GCN1: variants seen among roughly 807,000 people sequenced by gnomAD.
The protein encoded by GCN1 is GCN1 activator of EIF2AK4, also known as stalled ribosome sensor GCN1.
Under a neutral mutation model 288.4 loss-of-function variants are expected in GCN1, and 90 were observed. The ratio of observed to expected loss-of-function variants is 0.31; its 90% CI spans 0.26 to 0.37. GCN1 has a LOEUF of 0.37. Ranked by LOEUF, GCN1 falls within the 10% of genes least tolerant of loss-of-function variation. GCN1 has a pLI of 1.00. For synonymous variants in GCN1, 1,386 were observed against 1,420.2 expected (o/e 0.98, Z 0.54); for missense variants, 2,586 against 3,419.9 (o/e 0.76, Z 6.08).
chr12:120,163,286 T>C, intron 18 of GCN1, 27 bp from the exon 19 acceptor site: 3 of 1,576,586 alleles, frequency 1.9e-6, no homozygotes, highest in South Asian at 1.1e-5. Context: ...GAGATAATAC[T>C]GCTAAGAGCC....
At position 120,138,807 on chromosome 12, in the gene GCN1, C is replaced by T. The variant is rs1877094469; in HGVS notation, c.6044G>A (p.Cys2015Tyr). The T allele has an allele frequency of 6.2e-6, 10 of 1,614,080 alleles. No homozygotes were observed. The highest frequency in any genetic ancestry group is 8.5e-6 in the Non-Finnish European group (10 of 1,179,904). Residue 2015 changes from cysteine (C) to tyrosine (Y), a missense_variant, in exon 46 of 58, where the codon TGT (cysteine) becomes TAT (tyrosine). Transcript: ENST00000300648. The stretch of plus-strand genomic sequence containing the variant: ...CTCTCTGACCTCCTCCAGTGGGTCA[C>T]ACAAAGCCTTCCTTGCCGTGGGCAC... ...SLVPTARKAL[C>Y]DPLEEVREAA...
At position 120,160,154 on chromosome 12, in the gene GCN1, C is replaced by A. The variant is rs1877880477; in HGVS notation, c.2538G>T (p.Arg846Ser). Residue 846 changes from arginine (R) to serine (S), a missense_variant, in exon 23 of 58, where the codon AGG becomes AGT. This residue lies in a region of GCN1 where 913 missense variants were observed against 1,107.0 expected (regional missense o/e 0.82). Transcript: ENST00000300648. ...AQLDREAQVR[R>S]RLQELDGELE... ...GGTGGCCACTCACCTCCTGCAGCCG[C>A]CTCCGGACCTGCGCCTCCCTGTCTA... 1 of 1,612,012 alleles carries A rather than the reference C, an allele frequency of 6.2e-7. No homozygotes were observed. Among genetic ancestry groups the A allele is most frequent in the Non-Finnish European group, 8.5e-7 (1 of 1,179,400 alleles).
chr12:120,155,808 C>G lies in GCN1; in HGVS notation c.3313-89G>C. On this transcript the variant is annotated intron_variant, in intron 28 of 57. Coordinates refer to ENST00000300648, the MANE Select transcript of GCN1 (RefSeq NM_006836.2). This position sits in a 1 kb window ranked among gnomAD's most constrained non-coding sequence, Gnocchi z 4.9. ...CTCACCTCTCTCTAGGTTGTACTGT[C>G]CAAGATGTAGCCACTAACCGCATGT... 1 of 1,320,206 alleles carries G rather than the reference C, an allele frequency of 7.6e-7. No individual in the cohort carries two copies. The highest frequency in any genetic ancestry group is 1.1e-6 in the Non-Finnish European group (1 of 937,330). 81.8% of individuals were successfully genotyped at this position (1,320,206 alleles called of 1,614,324 possible).
At position 120,140,985 on chromosome 12, in the gene GCN1, T is replaced by C. The variant is rs202017755; in HGVS notation, c.5868A>G (p.Leu1956=). The C allele has an allele frequency of 6.2e-7, 1 of 1,613,790 alleles. No homozygotes were observed. Among genetic ancestry groups the C allele is most frequent in the Admixed American group, 1.7e-5 (1 of 59,990 alleles). The change falls in exon 45 of 58, where the codon TTA becomes TTG. Residue 1956 remains leucine (L), a synonymous_variant. Transcript: ENST00000300648. The stretch of plus-strand genomic sequence containing the variant: ...TGATCTCGGGGAGGATTTTCTCCCC[T>C]AACTTCCGCACAAGATCTCCCAATG... ...ARTLGDLVRK[L]GEKILPEIIP...
chr12:120,137,317 C>T lies in GCN1; in HGVS notation c.6666G>A (p.Lys2222=), dbSNP rs1389908496. Residue 2222 remains lysine (K), a splice_region_variant and synonymous_variant, in exon 50 of 58, where the codon AAG becomes AAA. Coordinates refer to ENST00000300648, the MANE Select transcript of GCN1 (RefSeq NM_006836.2). The surrounding 1 kb of genome is among the most constrained non-coding windows in gnomAD (Gnocchi z 5.2). ...GTGCCAACTGGTTGCCAGCATCCAG[C>T]TTCTGCAGGAATCCAGGAAAAAGCG... is the stretch of plus-strand genomic sequence containing the variant. ...SWDALNAITK[K]LDAGNQLALI... 6.2e-7 allele frequency: 1 copy of T among 1,612,114 alleles called. No homozygotes were observed. Among genetic ancestry groups the T allele is most frequent in the Admixed American group, 1.7e-5 (1 of 60,018 alleles).
At chr12:120,170,104 C>T in intron 15 of GCN1, 65 bp downstream of exon 15, 2 of 1,425,822 alleles carry the variant, frequency 1.4e-6, no homozygotes, top group Non-Finnish European at 2.0e-6. Context: ...CATCAAGACA[C>T]ACCTCCCAAG....
In GCN1 at chr12:120,137,186, T is replaced by C. The variant is rs757239051; in HGVS notation, c.6777+20A>G. 22 of 1,573,186 alleles carry C rather than the reference T, an allele frequency of 1.4e-5. No individual in the cohort carries two copies. The highest frequency in any genetic ancestry group is 1.2e-5 in the Non-Finnish European group (14 of 1,143,256). On this transcript the variant is annotated intron_variant, in intron 50 of 57. Coordinates refer to ENST00000300648, the MANE Select transcript of GCN1 (RefSeq NM_006836.2). This position sits in a 1 kb window ranked among gnomAD's most constrained non-coding sequence, Gnocchi z 5.2. ...AACAGACTGCACGCCCACAGCCCCC[T>C]GCACGAGGCCCTGGCTTACCTTCTT...
At position 120,144,386 on chromosome 12, in the gene GCN1, G is replaced by A; in HGVS notation, c.5415C>T (p.Ile1805=). 6.2e-7 allele frequency: 1 copy of A among 1,614,214 alleles called. No homozygotes were observed. Among genetic ancestry groups the A allele is most frequent in the Non-Finnish European group, 8.5e-7 (1 of 1,179,994 alleles). The part of the protein sequence containing the change: ...DTALRAGQRV[I]SMYAETAIAL... ...CGATGGCTGTCTCAGCGTACATGGA[G>A]ATAACCCGCTGGCCCGCGCGCAGGG... The change falls in exon 42 of 58, where the codon ATC becomes ATT. Residue 1805 remains isoleucine, a synonymous_variant. Transcript: ENST00000300648. This position sits in a 1 kb window ranked among gnomAD's most constrained non-coding sequence, Gnocchi z 4.7.
intron 5 of GCN1, 56 bp downstream of exon 5, chr12:120,183,513 C>T: frequency 9.2e-7 from 1 of 1,089,176 alleles, no homozygotes; most frequent in Non-Finnish European, 1.4e-6. Context: ...CTGAAACATG[C>T]TCTAACTCCT....
In GCN1 at chr12:120,127,823, G is replaced by A. The variant is rs1194816128; in HGVS notation, c.*26C>T. 1 of 1,607,338 alleles carries A rather than the reference G, an allele frequency of 6.2e-7. No individual in the cohort carries two copies. Among genetic ancestry groups the A allele is most frequent in the Non-Finnish European group, 8.5e-7 (1 of 1,174,734 alleles). On this transcript the variant is annotated 3_prime_UTR_variant, in exon 58 of 58. Transcript: ENST00000300648. ...AAACATTGAGCAAAGATGTGGAGCG[G>A]CAATGCTGCTGCTGGCCCAGGCCTC... is the stretch of plus-strand genomic sequence containing the variant.
chr12:120,162,029 G>T lies in GCN1; in HGVS notation c.2193C>A (p.Ser731=). The T allele has an allele frequency of 1.2e-6, 2 of 1,613,256 alleles. No individual in the cohort carries two copies. The highest frequency in any genetic ancestry group is 1.7e-6 in the Non-Finnish European group (2 of 1,180,016). ...GGAGGACCCGGTCCGGCGACAGGAC[G>T]GAAAGGGAGCCCATGGCATTCATGG... ...QSSMNAMGSL[S]VLSPDRVLPQ... Residue 731 remains serine (S), a synonymous_variant, in exon 21 of 58, where the codon TCC becomes TCA. Coordinates refer to ENST00000300648, the MANE Select transcript of GCN1 (RefSeq NM_006836.2).
intron 55 of GCN1, 137 bp from the exon 56 acceptor site, chr12:120,130,890 G>A (rs1484631139): frequency 1.6e-6 from 1 of 625,172 alleles, no homozygotes; most frequent in East Asian, 2.7e-5. Flanking sequence ...ACAGCTCTCA[G>A]GCAGGCTGCC....
chr12:120,173,288 T>C (rs1878368186), intron 14 of GCN1, among the ~76,000 whole-genome samples: 1 of 152,148 alleles, frequency 6.6e-6, no homozygotes, highest in Non-Finnish European at 1.5e-5. Flanking sequence ...CCTCAGGTGA[T>C]CTGCCCGCCT....
At chr12:120,152,619 C>T (rs2139104509) in intron 33 of GCN1, among the ~76,000 whole-genome samples, 1 of 129,840 alleles carries the variant, frequency 7.7e-6, no homozygotes, top group South Asian at 2.5e-4. Flanking sequence ...GTCCAAAATG[C>T]AAACCACACA....
chr12:120,137,674 G>A lies in GCN1; in HGVS notation c.6534C>T (p.Tyr2178=). ...TGTAGTCAGCCTTTGAGCGGGAACA[G>A]TAGATGTTGAGGATGATGGCAGCAG... ...RQAAAIILNI[Y]CSRSKADYTS... The change falls in exon 49 of 58, where the codon TAC becomes TAT. Residue 2178 remains tyrosine (Y), a synonymous_variant. Transcript: ENST00000300648. The surrounding 1 kb of genome is among the most constrained non-coding windows in gnomAD (Gnocchi z 5.2). 2 of 1,614,180 alleles carry A rather than the reference G, an allele frequency of 1.2e-6. No individual in the cohort carries two copies. Among genetic ancestry groups the A allele is most frequent in the Non-Finnish European group, 1.7e-6 (2 of 1,180,038 alleles).
At position 120,190,365 on chromosome 12, in the gene GCN1, C is replaced by T. The variant is rs779209054; in HGVS notation, c.54G>A (p.Val18=). The T allele has an allele frequency of 7.5e-6, 12 of 1,610,022 alleles. No homozygotes were observed. The highest frequency in any genetic ancestry group is 1.0e-5 in the Non-Finnish European group (12 of 1,176,360). ...SETLKRFAGK[V]TTASVKERRE... ...TCCGTTCCTTTACACTGGCTGTTGT[C>T]ACCTTCCCTGCAAAACGCTTTAGTG... The change falls in exon 2 of 58, where the codon GTG becomes GTA. Residue 18 remains valine, a synonymous_variant. Coordinates refer to ENST00000300648, the MANE Select transcript of GCN1 (RefSeq NM_006836.2).
At chr12:120,187,780 G>A (rs1003049812) in intron 2 of GCN1, among the ~76,000 whole-genome samples, 14 of 150,454 alleles carry the variant, frequency 9.3e-5, no homozygotes, top group African/African-American at 3.4e-4. Context: ...ATGGAGCTGA[G>A]AATTTTTATC....
chr12:120,178,871 A>G lies in GCN1; in HGVS notation c.506T>C (p.Leu169Pro), dbSNP rs753135688. ...TGTCACCTCTTTCCACAGCTTCGTG[A>G]GTTTCTTCACAGCACCATCCACGGC... ...KHAVDGAVKKLTKLWKENPGL... is the reference protein window; with the variant it reads ...KHAVDGAVKKPTKLWKENPGL... The change falls in exon 6 of 58, where the codon CTC (leucine) becomes CCC (proline). Residue 169 changes from leucine (L) to proline (P), a missense_variant. Around this residue, in one of 8 missense-constraint regions of GCN1, gnomAD observed 913 missense variants for 1,107.0 expected, o/e 0.82. Coordinates refer to ENST00000300648, the MANE Select transcript of GCN1 (RefSeq NM_006836.2). The G allele has an allele frequency of 6.2e-7, 1 of 1,614,070 alleles. No homozygotes were observed.
At position 120,160,269 on chromosome 12, in the gene GCN1, GC is replaced by G; in HGVS notation, c.2437-15del. On this transcript the variant is annotated splice_polypyrimidine_tract_variant and intron_variant, in intron 22 of 57. Coordinates refer to ENST00000300648, the MANE Select transcript of GCN1 (RefSeq NM_006836.2). ...CTTCTTTATCTCCTAAAGAGGATGGGCAAACCAACCAATCCCATCTCCAGGG... is the reference window on the plus strand; with the variant it reads ...CTTCTTTATCTCCTAAAGAGGATGGGAAACCAACCAATCCCATCTCCAGGG... 1 of 1,564,198 alleles carries G rather than the reference GC, an allele frequency of 6.4e-7. No homozygotes were observed. Among genetic ancestry groups the G allele is most frequent in the Middle Eastern group, 1.7e-4 (1 of 5,962 alleles).
Sources: allele counts gnomAD v4.1 joint callset (sites outside exome capture counted in the v4.1 genomes callset), GRCh38; gene constraint gnomAD v4.1.1; regional missense constraint gnomAD v4.1.1; non-coding constraint Gnocchi (gnomAD v3.1); transcripts MANE v1.5; gene names NCBI Gene and HGNC (gene_info 2026-07-23, HGNC 2026-07-21).